The following RPP14 variants were observed in gnomAD, a reference collection of about 807,000 sequenced individuals.
RPP14 encodes ribonuclease P/MRP subunit p14, also known as ribonuclease P protein subunit p14.
RPP14 carries 19 observed loss-of-function variants against 17.8 expected under a neutral mutation model. That is an observed-to-expected ratio of 1.07 (90% CI 0.74 to 1.57). The LOEUF is 1.57. Among genes scored for constraint, RPP14 ranks in the 40% most tolerant of loss-of-function variants. The probability of loss-of-function intolerance (pLI) is 0.00; values close to 1 mark genes in which losing one functional copy is unlikely to be tolerated. For missense variants in RPP14, 125 were observed against 140.8 expected (o/e 0.89, Z 0.57); for synonymous variants, 60 against 56.4 (o/e 1.06, Z -0.29).
chr3:58,314,526 C>T (rs913422856), intron 3 of RPP14, among the ~76,000 whole-genome samples: 2 of 151,998 alleles, frequency 1.3e-5, no homozygotes, highest in Non-Finnish European at 2.9e-5. Context: ...ATTAATGACA[C>T]AATGAGATAC....
At chr3:58,312,245 G>T (rs2097483025) in intron 3 of RPP14, among the ~76,000 whole-genome samples, 1 of 150,848 alleles carries the variant, frequency 6.6e-6, no homozygotes, top group Admixed American at 6.6e-5. Context: ...TTCCCCTAGA[G>T]ATTATTTTAT....
chr3:58,311,937 G>C (rs1347451401), intron 3 of RPP14, among the ~76,000 whole-genome samples: 1 of 151,292 alleles, frequency 6.6e-6, no homozygotes, highest in Non-Finnish European at 1.5e-5. Context: ...CAGTGGCATG[G>C]TCATGGCTCA....
chr3:58,306,914 T>C (rs1266221885), intron 1 of RPP14, among the ~76,000 whole-genome samples: 1 of 151,834 alleles, frequency 6.6e-6, no homozygotes, highest in Non-Finnish European at 1.5e-5. Context: ...AAAAGGCAAA[T>C]GCTACGAAGA....
rs1220885637 is a variant in RPP14 at position 58,315,081 on chromosome 3, A to G, written c.163-1434A>G. 5.3e-5 allele frequency among the ~76,000 whole-genome samples: 8 copies of G among 152,178 alleles called. No homozygotes were observed. The East Asian group carries it at 1.3e-3, about 26-fold the overall frequency. On this transcript the variant is annotated intron_variant, in intron 3 of 5. Transcript: ENST00000295959. The stretch of plus-strand genomic sequence containing the variant: ...CAGAGGACTGAAAACTTAAGTTCAC[A>G]CAAAAGCCTGTACATGAATATTCAT...
At position 58,318,647 on chromosome 3, in the gene RPP14, C is replaced by T. The variant is rs138423129; in HGVS notation, c.*1151C>T. 1.7e-4 allele frequency: 26 copies of T among 152,334 alleles called. No homozygotes were observed. Among genetic ancestry groups the T allele is most frequent in the African/African-American group, 6.3e-4 (26 of 41,420 alleles). The allele number at this position is 152,334 out of a possible 1,614,324, so 9.4% of individuals were successfully genotyped here. A position where few individuals can be genotyped will look rare whatever the true frequency, so the allele number is the denominator to read the frequency against. ...CTGAGATTGCACCACTGCACTGTAG[C>T]CTGAGTGACAGAGCGAGACCCTGTC... On this transcript the variant is annotated 3_prime_UTR_variant, in exon 6 of 6. Coordinates refer to ENST00000295959, the MANE Select transcript of RPP14 (RefSeq NM_007042.6).
rs534403993 is a variant in RPP14, at chr3:58,316,780, A to G, written c.240-135A>G. On this transcript the variant is annotated intron_variant, in intron 4 of 5. Transcript: ENST00000295959. ...TACTCTAGAGAGGGCAAAACTTACG[A>G]TTTGGTTACAGCTGTAGTTTTCCCA... 9.0e-6 allele frequency: 8 copies of G among 891,852 alleles called. No homozygotes were observed. The East Asian group carries it at 1.0e-4, about 11-fold the overall frequency. 55.2% of individuals were successfully genotyped at this position (891,852 alleles called of 1,614,324 possible).
chr3:58,308,703 C>T (rs2097478474), intron 1 of RPP14, among the ~76,000 whole-genome samples: 1 of 152,230 alleles, frequency 6.6e-6, no homozygotes, highest in East Asian at 1.9e-4. Context: ...TGGTCCATAG[C>T]TCTGTGACCT....
chr3:58,314,280 G>A (rs537885665), intron 3 of RPP14, among the ~76,000 whole-genome samples: 2 of 152,346 alleles, frequency 1.3e-5, no homozygotes, highest in Admixed American at 1.3e-4. Context: ...GAACCTGGGA[G>A]GCGGAGGTTG....
chr3:58,311,816 T>TCC (rs2097482561), intron 3 of RPP14, among the ~76,000 whole-genome samples: 1 of 152,154 alleles, frequency 6.6e-6, no homozygotes, highest in African/African-American at 2.4e-5. Flanking sequence ...TTCTCTTGGA[T>TCC]TTATGCTCAG....
chr3:58,317,604 G>T lies in RPP14; in HGVS notation c.*108G>T. On this transcript the variant is annotated 3_prime_UTR_variant, in exon 6 of 6. Coordinates refer to ENST00000295959, the MANE Select transcript of RPP14 (RefSeq NM_007042.6). The stretch of plus-strand genomic sequence containing the variant: ...CTAAAAGCTCTTGATGAAATTTGAG[G>T]GTGCTGAAGATGTTCCCACTAATTT... 1 of 812,058 alleles carries T rather than the reference G, an allele frequency of 1.2e-6. No homozygotes were observed. The highest frequency in any genetic ancestry group is 1.4e-5 in the South Asian group (1 of 70,120). 50.3% of individuals were successfully genotyped at this position (812,058 alleles called of 1,614,324 possible).
chr3:58,310,697 C>T (rs781536381), intron 3 of RPP14, 106 bp downstream of exon 3: 28 of 866,710 alleles, frequency 3.2e-5, no homozygotes, highest in Middle Eastern at 2.8e-4. Flanking sequence ...CTTTGGAGGC[C>T]GAGGTGGGCA....
chr3:58,311,802 T>A (rs1169669188), intron 3 of RPP14, among the ~76,000 whole-genome samples: 1 of 152,154 alleles, frequency 6.6e-6, no homozygotes, highest in Non-Finnish European at 1.5e-5. Context: ...TGAATTGATT[T>A]CCTTTCTCTT....
rs1417441739 is a variant in RPP14, at chr3:58,310,329, G to T, written c.-1G>T. ...TGTAGGTGTGATCAGCACTGGAAAA[G>T]ATGCCTGCCCCTGCTGCCACATATG... On this transcript the variant is annotated 5_prime_UTR_variant, in exon 2 of 6. Coordinates refer to ENST00000295959, the MANE Select transcript of RPP14 (RefSeq NM_007042.6). The T allele has an allele frequency of 3.1e-6, 5 of 1,614,026 alleles. No homozygotes were observed. Among genetic ancestry groups the T allele is most frequent in the Non-Finnish European group, 4.2e-6 (5 of 1,179,908 alleles).
chr3:58,308,234 C>T lies in RPP14; in HGVS notation c.-22+1817C>T, dbSNP rs571178756. Reference sequence around the variant, plus strand: ...TGAATATATAGGCCTATACCACTATCACTTTTCTCTCATTTGAATACCTAC... The same window carrying T: ...TGAATATATAGGCCTATACCACTATTACTTTTCTCTCATTTGAATACCTAC... On this transcript the variant is annotated intron_variant, in intron 1 of 5. Coordinates refer to ENST00000295959, the MANE Select transcript of RPP14 (RefSeq NM_007042.6). 2.0e-5 allele frequency among the ~76,000 whole-genome samples: 3 copies of T among 152,236 alleles called. No homozygotes were observed. The East Asian group carries it at 5.8e-4, about 29-fold the overall frequency.
chr3:58,312,675 T>TA lies in RPP14; in HGVS notation c.162+2085dup, dbSNP rs200023221. On this transcript the variant is annotated intron_variant, in intron 3 of 5. Transcript: ENST00000295959. ...ACCACTTTTAATGAGAAAGTCTCCT[T>TA]ATGGGCCAGGCGCAGTGGCTCACTC... is the stretch of plus-strand genomic sequence containing the variant. Among the ~76,000 whole-genome samples, 168 of 152,104 alleles carry TA rather than the reference T, an allele frequency of 1.1e-3. 5 individuals are homozygous for TA. In the East Asian group the frequency reaches 0.028, roughly 26 times the overall value.
At chr3:58,316,674 T>A in intron 4 of RPP14, 83 bp downstream of exon 4, 1 of 1,291,160 alleles carries the variant, frequency 7.7e-7, no homozygotes, top group Non-Finnish European at 1.1e-6. Flanking sequence ...AGAATGAGAA[T>A]AAATTTTTTG....
At chr3:58,309,871 G>A (rs1446556831) in intron 1 of RPP14, among the ~76,000 whole-genome samples, 128 of 151,822 alleles carry the variant, frequency 8.4e-4, no homozygotes, top group Non-Finnish European at 2.4e-4. Flanking sequence ...CAGCCTGGGC[G>A]ACAGAGCAAG....
intron 1 of RPP14, among the ~76,000 whole-genome samples, chr3:58,308,893 TA>T (rs1392865760): frequency 6.6e-6 from 1 of 152,160 alleles, no homozygotes; most frequent in Non-Finnish European, 1.5e-5. Context: ...GAAGGATGAA[TA>T]GGACCTATCC....
At chr3:58,310,073 G>A (rs753390973) in intron 1 of RPP14, 50 of 472,044 alleles carry the variant, frequency 1.1e-4, no homozygotes, top group Admixed American at 2.5e-4. Context: ...GGTGGCACGT[G>A]CCTATACTCC....
Sources: allele counts gnomAD v4.1 joint callset (sites outside exome capture counted in the v4.1 genomes callset), GRCh38; gene constraint gnomAD v4.1.1; transcripts MANE v1.5; gene names NCBI Gene and HGNC (gene_info 2026-07-23, HGNC 2026-07-21).